The following FRMD4B variants were observed in gnomAD, a reference collection of about 807,000 sequenced individuals.
FRMD4B encodes the protein FERM domain-containing protein 4B.
A neutral mutation model predicts 141.5 loss-of-function variants in FRMD4B; 74 were observed. That is an observed-to-expected ratio of 0.52 (90% CI 0.43 to 0.63). The LOEUF (loss-of-function observed/expected upper bound fraction) is 0.63, where lower values mean the gene tolerates loss of function less well. FRMD4B is among the 30% of genes least tolerant of loss of function. The pLI is 0.00. For missense variants in FRMD4B, 1,366 were observed against 1,253.4 expected, an observed-to-expected ratio of 1.09 and a Z score of -1.36; for synonymous variants, 506 against 467.9, an observed-to-expected ratio of 1.08 and a Z score of -1.05.
upstream of FRMD4B, among the ~76,000 whole-genome samples, chr3:69,390,735 T>C (rs1341351940): frequency 2.0e-5 from 3 of 151,846 alleles, no homozygotes; most frequent in African/African-American, 7.3e-5. Context: ...CTACTAAAAG[T>C]AACAAAAATT....
intron 1 of FRMD4B, among the ~76,000 whole-genome samples, chr3:69,456,949 T>C (rs530388239): frequency 1.3e-5 from 2 of 152,180 alleles, no homozygotes; most frequent in African/African-American, 2.4e-5. Flanking sequence ...AAATATTCAT[T>C]ATGTGGCCCT....
intron 4 of FRMD4B, among the ~76,000 whole-genome samples, chr3:69,292,264 AG>A (rs1700898817): frequency 6.6e-6 from 1 of 152,158 alleles, no homozygotes; most frequent in African/African-American, 2.4e-5. Flanking sequence ...ACCACAGGAG[AG>A]GGGACAGTTG....
intron 1 of FRMD4B, among the ~76,000 whole-genome samples, chr3:69,469,750 T>C (rs1360328182): frequency 6.6e-6 from 1 of 152,244 alleles, no homozygotes; most frequent in African/African-American, 2.4e-5. Flanking sequence ...CACAGTATTC[T>C]ACAGCCCAGC....
intron 10 of FRMD4B, 70 bp from the exon 11 acceptor site, chr3:69,216,419 A>C: frequency 1.4e-6 from 1 of 717,630 alleles, no homozygotes. Context: ...AAAATTTACC[A>C]ATTTCACCTC....
intron 2 of FRMD4B, among the ~76,000 whole-genome samples, chr3:69,394,490 A>G (rs556372548): frequency 6.6e-6 from 1 of 152,360 alleles, no homozygotes; most frequent in African/African-American, 2.4e-5. Context: ...TTAAGAATAA[A>G]ACAATGATCT....
intron 11 of FRMD4B, among the ~76,000 whole-genome samples, chr3:69,199,651 G>T (rs2092947109): frequency 6.6e-6 from 1 of 152,196 alleles, no homozygotes; most frequent in African/African-American, 2.4e-5. Flanking sequence ...GCCTCTTCTT[G>T]GTTTCTGAGC....
intron 5 of FRMD4B, among the ~76,000 whole-genome samples, chr3:69,255,872 T>C (rs1002309368): frequency 1.3e-5 from 2 of 152,172 alleles, no homozygotes; most frequent in Non-Finnish European, 2.9e-5. Flanking sequence ...TTGATGTTGG[T>C]AGTCAACTGT....
intron 5 of FRMD4B, among the ~76,000 whole-genome samples, chr3:69,279,099 A>G (rs1252402978): frequency 6.6e-6 from 1 of 152,208 alleles, no homozygotes; most frequent in African/African-American, 2.4e-5. Flanking sequence ...AACACAACAC[A>G]TACTACACAC....
At chr3:69,509,517 G>A (rs1359814338) in intron 1 of FRMD4B, among the ~76,000 whole-genome samples, 1 of 152,064 alleles carries the variant, frequency 6.6e-6, no homozygotes, top group African/African-American at 2.4e-5. Flanking sequence ...GACTATCAGG[G>A]TGTCTTCAGA....
At chr3:69,501,546 A>G (rs1706498218) in intron 1 of FRMD4B, among the ~76,000 whole-genome samples, 4 of 152,198 alleles carry the variant, frequency 2.6e-5, no homozygotes, top group Admixed American at 2.6e-4. Flanking sequence ...AGCTCAACAC[A>G]GAAGTTTTAT....
At chr3:69,277,355 C>CCAAAGAT (rs2093622419) in intron 5 of FRMD4B, among the ~76,000 whole-genome samples, 1 of 151,986 alleles carries the variant, frequency 6.6e-6, no homozygotes, top group Non-Finnish European at 1.5e-5. Context: ...TTGACTAATT[C>CCAAAGAT]CAAAGATGTT....
intron 1 of FRMD4B, among the ~76,000 whole-genome samples, chr3:69,372,426 A>T (rs1703852333): frequency 6.6e-6 from 1 of 152,222 alleles, no homozygotes; most frequent in African/African-American, 2.4e-5. Context: ...ACACTTTGGG[A>T]GGCTGAAGTG....
chr3:69,356,344 C>G (rs1825376), intron 1 of FRMD4B, among the ~76,000 whole-genome samples: 151,274 of 152,146 alleles, frequency 0.99, 75,209 homozygotes, highest in Middle Eastern at 1. Context: ...TCAGCTGCCG[C>G]TGTGGCCAGA....
intron 3 of FRMD4B, among the ~76,000 whole-genome samples, chr3:69,303,674 T>C (rs1312427175): frequency 1.3e-5 from 2 of 152,188 alleles, no homozygotes; most frequent in Admixed American, 6.5e-5. Flanking sequence ...CTAGCACTTG[T>C]AATCCTAGCA....
intron 2 of FRMD4B, among the ~76,000 whole-genome samples, chr3:69,400,023 C>A (rs2106748713): frequency 6.6e-6 from 1 of 152,152 alleles, no homozygotes; most frequent in South Asian, 2.1e-4. Flanking sequence ...CTCAATAAAC[C>A]TGTTAATTGA....
At chr3:69,534,398 A>G (rs1046116177) in intron 1 of FRMD4B, among the ~76,000 whole-genome samples, 4 of 152,170 alleles carry the variant, frequency 2.6e-5, no homozygotes, top group South Asian at 4.1e-4. Flanking sequence ...ATGTTTCTCT[A>G]TCTATCATCT....
At chr3:69,335,646 GAC>G (rs1702521688) in intron 1 of FRMD4B, among the ~76,000 whole-genome samples, 1 of 151,300 alleles carries the variant, frequency 6.6e-6, no homozygotes, top group Non-Finnish European at 1.5e-5. Context: ...AGCCTCTCTA[GAC>G]AATTTTTCCC....
At chr3:69,237,045 C>T (rs1427796491) in intron 7 of FRMD4B, among the ~76,000 whole-genome samples, 1 of 152,178 alleles carries the variant, frequency 6.6e-6, no homozygotes, top group African/African-American at 2.4e-5. Flanking sequence ...TTGGTCCAAC[C>T]CCTAAATGCA....
chr3:69,492,668 T>C (rs1001682507), intron 1 of FRMD4B, among the ~76,000 whole-genome samples: 1 of 152,232 alleles, frequency 6.6e-6, no homozygotes, highest in African/African-American at 2.4e-5. Flanking sequence ...TTACCTGATT[T>C]GTAATTTCAG....
Sources: allele counts gnomAD v4.1 joint callset (sites outside exome capture counted in the v4.1 genomes callset), GRCh38; gene constraint gnomAD v4.1.1; transcripts MANE v1.5; gene names NCBI Gene and HGNC (gene_info 2026-07-23, HGNC 2026-07-21).